The following HDAC2 variants were observed in gnomAD, a reference collection of about 807,000 sequenced individuals.
HDAC2 encodes YY1-associated factor 1.
In HDAC2, 5 loss-of-function variants were observed where a neutral mutation model predicts 68.5. The ratio of observed to expected loss-of-function variants is 0.07; its 90% CI spans 0.04 to 0.15. The LOEUF is 0.15. Among genes scored for constraint, HDAC2 ranks in the 10% least tolerant of loss-of-function variants. The pLI is 1.00. For missense variants in HDAC2, 291 were observed against 600.8 expected (o/e 0.48, Z 5.39); for synonymous variants, 182 against 191.3 (o/e 0.95, Z 0.40).
At chr6:113,949,934 A>G (rs1486989595) in intron 6 of HDAC2, among the ~76,000 whole-genome samples, 4 of 152,132 alleles carry the variant, frequency 2.6e-5, no homozygotes, top group African/African-American at 9.7e-5. Context: ...GGCATGTGCC[A>G]CCATGCCAGG....
chr6:113,946,339 A>C (rs1054433816), intron 8 of HDAC2, 191 bp from the exon 9 acceptor site: 6 of 421,810 alleles, frequency 1.4e-5, no homozygotes, highest in African/African-American at 4.1e-5. Flanking sequence ...AATAATACAT[A>C]TTAAAAAATT....
intron 1 of HDAC2, among the ~76,000 whole-genome samples, chr6:113,969,546 C>T (rs1776923052): frequency 6.6e-6 from 1 of 152,172 alleles, no homozygotes; most frequent in Admixed American, 6.5e-5. Flanking sequence ...ACAGGACTTT[C>T]AGGAGAAGGA....
chr6:113,952,357 G>C (rs1776440393), intron 6 of HDAC2, among the ~76,000 whole-genome samples: 1 of 152,144 alleles, frequency 6.6e-6, no homozygotes, highest in Non-Finnish European at 1.5e-5. Flanking sequence ...GTATGGAAAA[G>C]TTTCAGTAAG....
At chr6:113,964,090 G>A (rs116926974) in intron 1 of HDAC2, among the ~76,000 whole-genome samples, 1,992 of 152,034 alleles carry the variant, frequency 0.013, 18 homozygotes, top group Non-Finnish European at 0.022. Context: ...GAATATTCAC[G>A]GTATTCACAG....
chr6:113,955,946 C>T, intron 5 of HDAC2, 67 bp downstream of exon 5: 1 of 1,210,124 alleles, frequency 8.3e-7, no homozygotes. Context: ...AAGCCATAGA[C>T]TTTATTTATT....
At chr6:113,947,084 A>G (rs1052572845) in intron 8 of HDAC2, 4 of 152,192 alleles carry the variant, frequency 2.6e-5, no homozygotes, top group African/African-American at 9.6e-5. Flanking sequence ...ACATAATTCT[A>G]GCACTCAATT....
rs1775958967 is a variant in HDAC2 at position 113,934,472 on chromosome 6, T to A, written c.*6586A>T. ...CAGTGCATTGTTCTTTACTTGTTGC[T>A]GCTCTAGATGATGATGGTGTTTTGA... On this transcript the variant is annotated 3_prime_UTR_variant, in exon 14 of 14. Coordinates refer to ENST00000519065, the MANE Select transcript of HDAC2 (RefSeq NM_001527.4). 6.6e-6 allele frequency: 1 copy of A among 152,272 alleles called. No homozygotes were observed. The highest frequency in any genetic ancestry group is 6.5e-5 in the Admixed American group (1 of 15,284). The allele number at this position is 152,272 out of a possible 1,614,324, so 9.4% of individuals were successfully genotyped here. A position where few individuals can be genotyped will look rare whatever the true frequency, so the allele number is the denominator to read the frequency against.
At chr6:113,942,446 A>AG (rs1267256019) in intron 12 of HDAC2, among the ~76,000 whole-genome samples, 1 of 151,674 alleles carries the variant, frequency 6.6e-6, no homozygotes, top group African/African-American at 2.4e-5. Context: ...AAAAAAAAAA[A>AG]AAGCTGGCTT....
At chr6:113,942,429 G>GT (rs1014972332) in intron 12 of HDAC2, among the ~76,000 whole-genome samples, 2 of 67,108 alleles carry the variant, frequency 3.0e-5, no homozygotes, top group African/African-American at 1.7e-4. Flanking sequence ...TAACTCTCTA[G>GT]TTTAAAAAAA....
chr6:113,945,259 A>G, intron 10 of HDAC2, 103 bp downstream of exon 10: 1 of 505,552 alleles, frequency 2.0e-6, no homozygotes, highest in Admixed American at 3.5e-5. Flanking sequence ...AAAAAACAAA[A>G]TATCTAATAA....
chr6:113,967,326 G>A (rs977499983), intron 1 of HDAC2, among the ~76,000 whole-genome samples: 7 of 151,916 alleles, frequency 4.6e-5, no homozygotes, highest in African/African-American at 1.2e-4. Flanking sequence ...ACGGGGTTTC[G>A]CCATGTTGGC....
chr6:113,957,692 T>A (rs1418546709), intron 3 of HDAC2, among the ~76,000 whole-genome samples: 1 of 152,156 alleles, frequency 6.6e-6, no homozygotes, highest in African/African-American at 2.4e-5. Flanking sequence ...TTTGCCATGT[T>A]GGCCAGGCTG....
At chr6:113,965,031 T>G (rs1357643698) in intron 1 of HDAC2, among the ~76,000 whole-genome samples, 1 of 152,258 alleles carries the variant, frequency 6.6e-6, no homozygotes, top group African/African-American at 2.4e-5. Context: ...ATGTGTTCAA[T>G]TCTTGCTTCC....
chr6:113,956,303 C>G (rs931033494), intron 4 of HDAC2, 152 bp from the exon 5 acceptor site: 3 of 646,572 alleles, frequency 4.6e-6, no homozygotes, highest in Non-Finnish European at 7.7e-6. Flanking sequence ...ATAGGAGTTA[C>G]TCCTTAGAAA....
chr6:113,958,843 C>A lies in HDAC2; in HGVS notation c.166-77G>T, dbSNP rs78209558. The A allele has an allele frequency of 7.2e-3, 6,210 of 860,314 alleles. 260 individuals are homozygous for A. The African/African-American group carries it at 0.09, about 13-fold the overall frequency. 53.3% of individuals were successfully genotyped at this position (860,314 alleles called of 1,614,324 possible). A position where few individuals can be genotyped will look rare whatever the true frequency, so the allele number is the denominator to read the frequency against. On this transcript the variant is annotated intron_variant, in intron 2 of 13. Transcript: ENST00000519065. ...GTATTATCAAACAAATATACAAATT[C>A]CCCTATCGGTCCCCTCAAAAGAACC... is the stretch of plus-strand genomic sequence containing the variant.
rs1775981550 is a variant in HDAC2 at position 113,935,434 on chromosome 6, GTA to G, written c.*5622_*5623del. Reference sequence around the variant, plus strand: ...TTTTACCTGTACATCATCCTAGTAAGTATATGGCAAGGGCAGGGAAGTGACCC... The same window carrying G: ...TTTTACCTGTACATCATCCTAGTAAGTATGGCAAGGGCAGGGAAGTGACCC... On this transcript the variant is annotated 3_prime_UTR_variant, in exon 14 of 14. Transcript: ENST00000519065. The G allele has an allele frequency of 6.6e-6, 1 of 152,138 alleles. No individual in the cohort carries two copies. The allele number at this position is 152,138 out of a possible 1,614,324, so 9.4% of individuals were successfully genotyped here. A position where few individuals can be genotyped will look rare whatever the true frequency, so the allele number is the denominator to read the frequency against.
chr6:113,950,687 C>T (rs938555427), intron 6 of HDAC2, among the ~76,000 whole-genome samples: 5 of 87,172 alleles, frequency 5.7e-5, no homozygotes, highest in African/African-American at 9.9e-5. Flanking sequence ...TGAGCCACTG[C>T]GCCTGAGTGG....
chr6:113,967,574 C>T (rs1776853557), intron 1 of HDAC2, among the ~76,000 whole-genome samples: 1 of 152,144 alleles, frequency 6.6e-6, no homozygotes, highest in African/African-American at 2.4e-5. Flanking sequence ...TGTATAGTTA[C>T]ATAAATTAGG....
chr6:113,970,768 C>T (rs1401724755), intron 1 of HDAC2, 89 bp downstream of exon 1: 3 of 1,436,076 alleles, frequency 2.1e-6, no homozygotes, highest in Non-Finnish European at 2.7e-6. Context: ...CCTTCCCACC[C>T]CTCAGCCCCG....
Sources: allele counts gnomAD v4.1 joint callset (sites outside exome capture counted in the v4.1 genomes callset), GRCh38; gene constraint gnomAD v4.1.1; transcripts MANE v1.5; gene names NCBI Gene and HGNC (gene_info 2026-07-23, HGNC 2026-07-21).